The following NEBL variants were observed in gnomAD, a reference collection of about 807,000 sequenced individuals.
NEBL encodes LIM and SH3 protein 2.
A neutral mutation model predicts 140.2 loss-of-function variants in NEBL; 122 were observed. That is an observed-to-expected ratio of 0.87 (90% CI 0.75 to 1.01). The LOEUF (loss-of-function observed/expected upper bound fraction) is 1.01, where lower values mean the gene tolerates loss of function less well. Ranked by LOEUF, NEBL falls within the 50% of genes least tolerant of loss-of-function variation. NEBL has a pLI of 0.00. For missense variants in NEBL, 1,365 were observed against 1,231.3 expected (o/e 1.11, Z -1.62); for synonymous variants, 436 against 398.9 (o/e 1.09, Z -1.11).
rs1313974615 is a variant in NEBL at position 21,169,064 on chromosome 10, AAAAATATATATATATATATATAT to A, written c.164+3296_164+3318del. 1.3e-4 allele frequency among the ~76,000 whole-genome samples: 7 copies of A among 52,362 alleles called. No homozygotes were observed. The South Asian group carries it at 2.1e-3, about 16-fold the overall frequency. The allele number at this position is 52,362 out of a possible 152,430, so 34.4% of individuals were successfully genotyped here. ...ACTCCGTCTACAAAAAAAAAAAAAA[AAAAATATATATATATATATATAT>A]ATATATATATATATATATATTTGGA... On this transcript the variant is annotated intron_variant, in intron 2 of 6. Coordinates refer to the NEBL transcript ENST00000417816.
chr10:21,131,109 C>A (rs1839084356), intron 2 of NEBL, among the ~76,000 whole-genome samples: 1 of 152,150 alleles, frequency 6.6e-6, no homozygotes, highest in African/African-American at 2.4e-5. Context: ...ATACTACAAA[C>A]AACCCTATGC....
chr10:21,228,188 G>C (rs766618054), intron 3 of NEBL, among the ~76,000 whole-genome samples: 3 of 151,440 alleles, frequency 2.0e-5, no homozygotes, highest in Non-Finnish European at 4.4e-5. Context: ...GGATCTCACT[G>C]TGTCACCCAG....
chr10:20,971,446 TC>T (rs1836565048), intron 3 of NEBL, among the ~76,000 whole-genome samples: 1 of 151,538 alleles, frequency 6.6e-6, no homozygotes, highest in Non-Finnish European at 1.5e-5. Context: ...AATTTTTTTT[TC>T]TTTTTTTTTT....
At chr10:21,105,546 G>A (rs11012525) in intron 2 of NEBL, among the ~76,000 whole-genome samples, 72,532 of 151,918 alleles carry the variant, frequency 0.48, 20,104 homozygotes, top group African/African-American at 0.76. Flanking sequence ...ATAGTATTCC[G>A]TGGTGCATAT....
At chr10:20,870,446 G>T (rs771874261) in intron 5 of NEBL, among the ~76,000 whole-genome samples, 4 of 151,430 alleles carry the variant, frequency 2.6e-5, no homozygotes, top group Admixed American at 6.6e-5. Context: ...GTATGTCTTT[G>T]TATCTAAGTG....
intron 18 of NEBL, among the ~76,000 whole-genome samples, chr10:20,825,659 G>C (rs1239932548): frequency 6.8e-6 from 1 of 147,704 alleles, no homozygotes; most frequent in East Asian, 1.9e-4. Context: ...GCAAGACTCT[G>C]TCTCAAAAAA....
At chr10:21,038,304 A>T (rs1834100252) in intron 2 of NEBL, among the ~76,000 whole-genome samples, 1 of 152,120 alleles carries the variant, frequency 6.6e-6, no homozygotes. Context: ...TCAACCCGTT[A>T]TCTAGGTTTT....
chr10:21,023,771 T>C (rs564132503), intron 2 of NEBL, among the ~76,000 whole-genome samples: 33 of 152,164 alleles, frequency 2.2e-4, no homozygotes, highest in African/African-American at 7.0e-4. Flanking sequence ...TATCCTGAGA[T>C]TGAAAAGTGA....
chr10:21,126,593 C>A (rs1460956072), intron 2 of NEBL, among the ~76,000 whole-genome samples: 3 of 151,990 alleles, frequency 2.0e-5, no homozygotes, highest in Admixed American at 2.0e-4. Context: ...ACCAACTAAC[C>A]CAATTATTTA....
At chr10:20,848,466 T>A (rs1842163567) in intron 11 of NEBL, among the ~76,000 whole-genome samples, 1 of 152,126 alleles carries the variant, frequency 6.6e-6, no homozygotes, top group African/African-American at 2.4e-5. Context: ...GAGTCTCCAA[T>A]CCTTAGACCA....
At chr10:20,823,451 T>C in intron 18 of NEBL, 151 bp from the exon 19 acceptor site, 2 of 599,746 alleles carry the variant, frequency 3.3e-6, no homozygotes, top group Non-Finnish European at 5.7e-6. Context: ...TAATTTTATA[T>C]GATGCTTTCA....
At chr10:21,015,444 G>A (rs1361200781) in intron 3 of NEBL, among the ~76,000 whole-genome samples, 8 of 152,070 alleles carry the variant, frequency 5.3e-5, no homozygotes, top group Admixed American at 2.0e-4. Context: ...TACACAGCCC[G>A]AAAAAGGGAA....
At chr10:20,963,003 A>ACACACACAC (rs1836121875) in intron 3 of NEBL, among the ~76,000 whole-genome samples, 2 of 143,212 alleles carry the variant, frequency 1.4e-5, no homozygotes, top group East Asian at 4.1e-4. Flanking sequence ...TTGAAAGAAA[A>ACACACACAC]ACACACACAC....
At chr10:21,239,364 T>C (rs1842405275) in intron 3 of NEBL, among the ~76,000 whole-genome samples, 1 of 152,152 alleles carries the variant, frequency 6.6e-6, no homozygotes, top group African/African-American at 2.4e-5. Context: ...AGAGATCCAA[T>C]TATTTTTTCA....
chr10:20,854,561 CTTTTTTT>C (rs71390794), intron 9 of NEBL, among the ~76,000 whole-genome samples: 26 of 107,260 alleles, frequency 2.4e-4, no homozygotes, highest in African/African-American at 4.1e-4. Context: ...TCATATAGTA[CTTTTTTT>C]TTTTTTTTTT....
intron 2 of NEBL, among the ~76,000 whole-genome samples, chr10:21,077,646 A>T (rs1836162603): frequency 6.6e-6 from 1 of 151,980 alleles, no homozygotes; most frequent in South Asian, 2.1e-4. Flanking sequence ...AAATAAATAA[A>T]TTGCTTTTGT....
chr10:21,084,601 A>T (rs1455484752), intron 2 of NEBL, among the ~76,000 whole-genome samples: 4 of 152,112 alleles, frequency 2.6e-5, no homozygotes, highest in African/African-American at 7.2e-5. Flanking sequence ...TGTCCCAAAA[A>T]AAAAATAAAA....
intron 3 of NEBL, among the ~76,000 whole-genome samples, chr10:20,994,201 T>C (rs1166452322): frequency 6.6e-6 from 1 of 152,236 alleles, no homozygotes. Flanking sequence ...GGAATATACC[T>C]TTTCACTGAG....
At chr10:20,803,658 A>T (rs568931749) in intron 26 of NEBL, among the ~76,000 whole-genome samples, 56 of 152,044 alleles carry the variant, frequency 3.7e-4, no homozygotes, top group South Asian at 3.5e-3. Flanking sequence ...ATTGACTGTT[A>T]CTGTTAAAAG....
Sources: gnomAD v4.1 joint callset for allele counts (sites outside exome capture counted in the v4.1 genomes callset) on GRCh38, gnomAD v4.1.1 for gene constraint, MANE v1.5 for transcripts, NCBI Gene and HGNC (gene_info 2026-07-23, HGNC 2026-07-21) for gene names.